TNKS2: variants seen among roughly 807,000 people sequenced by gnomAD.
TNKS2 encodes poly [ADP-ribose] polymerase tankyrase-2.
Under a neutral mutation model 137.6 loss-of-function variants are expected in TNKS2, and 72 were observed. The ratio of observed to expected loss-of-function variants is 0.52; its 90% CI spans 0.43 to 0.64. The LOEUF (loss-of-function observed/expected upper bound fraction) is 0.64, where lower values mean the gene tolerates loss of function less well. Among genes scored for constraint, TNKS2 ranks in the 30% least tolerant of loss-of-function variants. The pLI is 0.00. For missense variants in TNKS2, 1,049 were observed against 1,410.2 expected (o/e 0.74, Z 4.10); for synonymous variants, 516 against 512.1 (o/e 1.01, Z -0.10).
At chr10:91,813,517 C>A (rs1844575444) in intron 2 of TNKS2, among the ~76,000 whole-genome samples, 1 of 152,104 alleles carries the variant, frequency 6.6e-6, no homozygotes, top group Non-Finnish European at 1.5e-5. Context: ...AGCACAGTGA[C>A]TTGGCAGGAT....
At chr10:91,821,070 C>T (rs1284686193) in intron 6 of TNKS2, among the ~76,000 whole-genome samples, 1 of 152,048 alleles carries the variant, frequency 6.6e-6, no homozygotes, top group African/African-American at 2.4e-5. Context: ...CGGAGTCTTG[C>T]TCTGTCGCCC....
chr10:91,846,432 A>G (rs1842373930), intron 18 of TNKS2, among the ~76,000 whole-genome samples: 1 of 152,156 alleles, frequency 6.6e-6, no homozygotes, highest in South Asian at 2.1e-4. Flanking sequence ...TTCATGAAAC[A>G]AGTCTATTAT....
At chr10:91,811,579 C>G (rs190188110) in intron 1 of TNKS2, among the ~76,000 whole-genome samples, 1 of 152,094 alleles carries the variant, frequency 6.6e-6, no homozygotes, top group East Asian at 1.9e-4. Context: ...TCTTTGTGAC[C>G]ACAGAGCCCA....
intron 1 of TNKS2, among the ~76,000 whole-genome samples, chr10:91,803,673 G>GA (rs1000487291): frequency 1.5e-4 from 23 of 152,300 alleles, no homozygotes; most frequent in East Asian, 3.9e-4. Flanking sequence ...ACATTCCTCA[G>GA]AAAAAATGTG....
At chr10:91,801,604 G>A (rs1293936875) in intron 1 of TNKS2, among the ~76,000 whole-genome samples, 3 of 152,040 alleles carry the variant, frequency 2.0e-5, no homozygotes, top group Non-Finnish European at 4.4e-5. Flanking sequence ...CTCCTAAGTA[G>A]CTGGGATTAC....
rs41286934 is a variant in TNKS2, at chr10:91,833,871, C to T, written c.1294C>T (p.Leu432Phe). 1.3e-3 allele frequency: 2,007 copies of T among 1,598,366 alleles called. 2 individuals are homozygous for T. Among genetic ancestry groups the T allele is most frequent in the Non-Finnish European group, 1.6e-3 (1,921 of 1,175,406 alleles). Residue 432 changes from leucine to phenylalanine, a missense_variant, in exon 12 of 27, where the codon CTT becomes TTT. By Grantham distance (22) the Leu-to-Phe change is conservative. Around this residue, in one of 6 missense-constraint regions of TNKS2, gnomAD observed 328 missense variants for 436.0 expected, o/e 0.75. Transcript: ENST00000371627. ...HEAKVNALDNLGQTSLHRAAY... is the reference protein window; with the variant it reads ...HEAKVNALDNFGQTSLHRAAY... The stretch of plus-strand genomic sequence containing the variant: ...TGTTAAGGTTAATGCTCTGGATAAT[C>T]TTGGTCAGACTTCTCTACACAGAGC...
At position 91,845,015 on chromosome 10, in the gene TNKS2, C is replaced by T; in HGVS notation, c.2156C>T (p.Ala719Val). 1 of 1,609,564 alleles carries T rather than the reference C, an allele frequency of 6.2e-7. No homozygotes were observed. Among genetic ancestry groups the T allele is most frequent in the Non-Finnish European group, 8.5e-7 (1 of 1,176,838 alleles). The change falls in exon 17 of 27, where the codon GCA becomes GTA. Residue 719 changes from alanine (A) to valine (V), a missense_variant. By Grantham distance (64) the Ala-to-Val change is moderately conservative. Coordinates refer to ENST00000371627, the MANE Select transcript of TNKS2 (RefSeq NM_025235.4). ...GGAGGACTTATTCCTTTACATAATG[C>T]AGCATCTTACGGGGTAAGTTCTTCC... ...DKGGLIPLHN[A>V]ASYGHVDVAA... is the part of the protein sequence containing the mutation.
At chr10:91,860,818 C>T (rs1030615681) in intron 25 of TNKS2, among the ~76,000 whole-genome samples, 36 of 152,136 alleles carry the variant, frequency 2.4e-4, no homozygotes, top group Non-Finnish European at 1.5e-5. Flanking sequence ...TGTATGACGT[C>T]CCACTCACTT....
intron 7 of TNKS2, among the ~76,000 whole-genome samples, chr10:91,822,888 G>A (rs1466484895): frequency 6.6e-6 from 1 of 151,690 alleles, no homozygotes; most frequent in Non-Finnish European, 1.5e-5. Context: ...ATATAAAGTA[G>A]CACTGTCATC....
intron 23 of TNKS2, 85 bp from the exon 24 acceptor site, chr10:91,857,340 T>TA (rs1842736535): frequency 2.5e-6 from 2 of 811,638 alleles, no homozygotes; most frequent in Non-Finnish European, 3.8e-6. Flanking sequence ...ACCTTCTAGC[T>TA]AAATGTATGT....
rs1845218080 is a variant in TNKS2, at chr10:91,830,705, G to A, written c.1105-218G>A. Among the ~76,000 whole-genome samples, 3 of 152,194 alleles carry A rather than the reference G, an allele frequency of 2.0e-5. No homozygotes were observed. In the South Asian group the frequency reaches 6.2e-4, roughly 31 times the overall value. On this transcript the variant is annotated intron_variant, in intron 9 of 26. Transcript: ENST00000371627. ...ACAGGACAACTGTAAAGTTTGATTG[G>A]AATATGTAATAATAGATATTATCTG... is the stretch of plus-strand genomic sequence containing the variant.
chr10:91,828,630 T>G (rs1003958205), intron 9 of TNKS2, among the ~76,000 whole-genome samples: 1 of 152,252 alleles, frequency 6.6e-6, no homozygotes, highest in South Asian at 2.1e-4. Context: ...AAAAAAAAAA[T>G]TATTCATATT....
chr10:91,843,095 G>GAA (rs879419524), intron 16 of TNKS2, among the ~76,000 whole-genome samples: 1 of 144,504 alleles, frequency 6.9e-6, no homozygotes. Flanking sequence ...GCACAAGCAG[G>GAA]AAAAAAAAAA....
chr10:91,809,461 TC>T (rs1204540285), intron 1 of TNKS2, among the ~76,000 whole-genome samples: 5 of 151,672 alleles, frequency 3.3e-5, no homozygotes, highest in African/African-American at 1.2e-4. Context: ...GGTCAGGAGA[TC>T]GAGACCATCT....
chr10:91,828,151 T>C (rs1462245183), intron 8 of TNKS2, 134 bp from the exon 9 acceptor site: 1 of 986,262 alleles, frequency 1.0e-6, no homozygotes, highest in Non-Finnish European at 1.4e-6. Flanking sequence ...ATTTGGAGAA[T>C]ATCTTTAGAG....
intron 20 of TNKS2, among the ~76,000 whole-genome samples, chr10:91,850,204 T>C (rs1321888437): frequency 6.9e-6 from 1 of 144,928 alleles, no homozygotes; most frequent in East Asian, 2.1e-4. Context: ...CCGTCTCTAC[T>C]AAAAATACAA....
rs912004025 is a variant in TNKS2, at chr10:91,864,797, A to G, written c.*1798A>G. On this transcript the variant is annotated 3_prime_UTR_variant, in exon 27 of 27. Coordinates refer to ENST00000371627, the MANE Select transcript of TNKS2 (RefSeq NM_025235.4). The stretch of plus-strand genomic sequence containing the variant: ...CAGATTATCTAAGCTTCCAGGTTTT[A>G]TAATTAGAAGATAATGAGAGAATTA... 2.6e-5 allele frequency: 4 copies of G among 152,644 alleles called. No individual in the cohort carries two copies. Among genetic ancestry groups the G allele is most frequent in the Non-Finnish European group, 5.9e-5 (4 of 68,040 alleles). The allele number at this position is 152,644 out of a possible 1,614,324, so 9.5% of individuals were successfully genotyped here.
intron 21 of TNKS2, among the ~76,000 whole-genome samples, chr10:91,853,612 C>T (rs1842619514): frequency 6.6e-6 from 1 of 152,194 alleles, no homozygotes; most frequent in Non-Finnish European, 1.5e-5. Context: ...ATGACTAGTA[C>T]CATACTGATC....
rs944661752 is a variant in TNKS2 at position 91,863,364 on chromosome 10, A to G, written c.*365A>G. 2 of 162,714 alleles carry G rather than the reference A, an allele frequency of 1.2e-5. No homozygotes were observed. The highest frequency in any genetic ancestry group is 4.8e-5 in the African/African-American group (2 of 41,824). The allele number at this position is 162,714 out of a possible 1,614,324, so 10.1% of individuals were successfully genotyped here. On this transcript the variant is annotated 3_prime_UTR_variant, in exon 27 of 27. Transcript: ENST00000371627. ...TACAATACTGTGTTCTTTAAAACAC[A>G]GCATTTACACTGAATACAATTTCAT...
Sources: allele counts gnomAD v4.1 joint callset (sites outside exome capture counted in the v4.1 genomes callset), GRCh38; gene constraint gnomAD v4.1.1; regional missense constraint gnomAD v4.1.1; transcripts MANE v1.5; gene names NCBI Gene and HGNC (gene_info 2026-07-23, HGNC 2026-07-21).